The following TRMT1 variants were observed in gnomAD, a reference collection of about 807,000 sequenced individuals.
The protein encoded by TRMT1 is tRNA (guanine(26)-N(2))-dimethyltransferase.
Under a neutral mutation model 75.4 loss-of-function variants are expected in TRMT1, and 63 were observed. The observed-to-expected ratio is 0.84, with a 90% CI of 0.68 to 1.03. The LOEUF (loss-of-function observed/expected upper bound fraction) is 1.03. Among genes scored for constraint, TRMT1 ranks in the 50% least tolerant of loss-of-function variants. The pLI, the probability that TRMT1 is intolerant of heterozygous loss-of-function variation, is 0.00. For synonymous variants in TRMT1, 382 were observed against 358.1 expected (o/e 1.07, Z -0.75); for missense variants, 870 against 905.3 (o/e 0.96, Z 0.50).
chr19:13,110,374 G>A (rs945078398), intron 7 of TRMT1, 68 bp from the exon 8 acceptor site: 14 of 1,483,550 alleles, frequency 9.4e-6, no homozygotes, highest in African/African-American at 1.4e-5. Flanking sequence ...GCCCTATGTG[G>A]TACTCACAAG....
chr19:13,115,761 A>G lies in TRMT1; in HGVS notation c.318T>C (p.Val106=). 1.2e-6 allele frequency: 2 copies of G among 1,613,976 alleles called. No individual in the cohort carries two copies. The highest frequency in any genetic ancestry group is 1.7e-6 in the Non-Finnish European group (2 of 1,180,008). ...QLGAKGIQIK[V]PGEKDTQKVV... is the part of the protein sequence containing the mutation. ...CTTTTTGCGTGTCCTTCTCTCCTGG[A>G]ACCTTGACTGCAGCCACCCAGAGGC... Residue 106 remains valine (V), a synonymous_variant, in exon 4 of 17, where the codon GTT becomes GTC. Transcript: ENST00000357720.
intron 6 of TRMT1, 34 bp downstream of exon 6, chr19:13,112,862 C>A: frequency 6.2e-7 from 1 of 1,613,176 alleles, no homozygotes; most frequent in Non-Finnish European, 8.5e-7. Context: ...ACACCCCAAG[C>A]CCTGCTCCCA....
intron 5 of TRMT1, among the ~76,000 whole-genome samples, chr19:13,114,657 G>A (rs552061001): frequency 9.5e-5 from 14 of 148,132 alleles, no homozygotes; most frequent in Middle Eastern, 6.8e-3. Flanking sequence ...GCGAGACTCC[G>A]TGTCAAAAAA....
At position 13,110,215 on chromosome 19, in the gene TRMT1, T is replaced by C. The variant is rs771685030; in HGVS notation, c.962A>G (p.Tyr321Cys). Residue 321 changes from tyrosine to cysteine, a missense_variant, in exon 8 of 17, where the codon TAC becomes TGC. Tyr to Cys is a radical substitution (Grantham distance 194). Transcript: ENST00000357720. Reference sequence around the variant, plus strand: ...GAAGACACGGACAAAAACACGCACGTAGAAGTCAGCGCTGATGCTGAGCAG... The same window carrying C: ...GAAGACACGGACAAAAACACGCACGCAGAAGTCAGCGCTGATGCTGAGCAG... ...VPLLSISADF[Y>C]VRVFVRVFTG... is the part of the protein sequence containing the mutation. 6.2e-7 allele frequency: 1 copy of C among 1,612,182 alleles called. No homozygotes were observed. The highest frequency in any genetic ancestry group is 8.5e-7 in the Non-Finnish European group (1 of 1,179,792).
chr19:13,107,534 G>A (rs1490079655), intron 14 of TRMT1, 40 bp downstream of exon 14: 3 of 1,567,762 alleles, frequency 1.9e-6, no homozygotes, highest in African/African-American at 1.4e-5. Flanking sequence ...TTCCATGTCT[G>A]TGGGCAGCCC....
At chr19:13,111,382 A>AT (rs201288485) in intron 7 of TRMT1, among the ~76,000 whole-genome samples, 6,058 of 130,444 alleles carry the variant, frequency 0.046, 194 homozygotes, top group Admixed American at 0.087. Flanking sequence ...GGGTCAGACC[A>AT]TTTTTTTTTT....
chr19:13,113,684 A>G (rs1015390699), intron 5 of TRMT1, among the ~76,000 whole-genome samples: 12 of 151,800 alleles, frequency 7.9e-5, no homozygotes. Context: ...TTCTCGGCGC[A>G]CTGCAACTTC....
At chr19:13,105,130 CCT>C (rs760567376) in intron 16 of TRMT1, 49 bp from the exon 17 acceptor site, 6 of 1,550,932 alleles carry the variant, frequency 3.9e-6, no homozygotes, top group African/African-American at 1.4e-5. Flanking sequence ...CTCAGCAGCC[CCT>C]GATGGGATCC....
In TRMT1 at chr19:13,112,781, A is replaced by G. The variant is rs779676694; in HGVS notation, c.794T>C (p.Leu265Ser). 1 of 1,614,006 alleles carries G rather than the reference A, an allele frequency of 6.2e-7. No individual in the cohort carries two copies. The highest frequency in any genetic ancestry group is 8.5e-7 in the Non-Finnish European group (1 of 1,179,986). Residue 265 changes from leucine (L) to serine (S), a missense_variant, in exon 7 of 17, where the codon TTG becomes TCG. By Grantham distance (145) the Leu-to-Ser change is moderately radical. Coordinates refer to ENST00000357720, the MANE Select transcript of TRMT1 (RefSeq NM_001136035.4). ...LCVTCTDMAVLAGNSGETCYS... is the reference protein window; with the variant it reads ...LCVTCTDMAVSAGNSGETCYS... ...GCACGTCTCCCCGCTGTTCCCCGCC[A>G]ACACCGCCATGTCTGTGCAGGTCAC...
intron 14 of TRMT1, 84 bp downstream of exon 14, chr19:13,107,490 G>T: frequency 6.9e-7 from 1 of 1,446,152 alleles, no homozygotes; most frequent in South Asian, 1.2e-5. Context: ...AGTCTGTGTG[G>T]GGCAGCATCT....
chr19:13,113,077 A>G, intron 5 of TRMT1, 66 bp from the exon 6 acceptor site: 1 of 1,263,926 alleles, frequency 7.9e-7, no homozygotes, highest in South Asian at 1.5e-5. Flanking sequence ...CCCTACACAT[A>G]TTAACTCGTA....
intron 12 of TRMT1, 53 bp downstream of exon 12, chr19:13,109,328 C>T: frequency 1.2e-6 from 2 of 1,606,910 alleles, no homozygotes; most frequent in Non-Finnish European, 1.7e-6. Context: ...TGGACTTGCC[C>T]CAGGCCACCC....
intron 8 of TRMT1, 39 bp from the exon 9 acceptor site, chr19:13,110,040 C>T (rs1490389066): frequency 1.2e-6 from 2 of 1,612,270 alleles, no homozygotes; most frequent in Admixed American, 1.7e-5. Context: ...CCCAGCGTGA[C>T]CACGACACCC....
At chr19:13,115,801 A>G (rs778520950) in intron 3 of TRMT1, 33 bp from the exon 4 acceptor site, 6 of 1,613,258 alleles carry the variant, frequency 3.7e-6, no homozygotes, top group Non-Finnish European at 3.4e-6. Context: ...GTCAGAGAAT[A>G]ACAAGGTCCC....
intron 4 of TRMT1, 25 bp downstream of exon 4, chr19:13,115,601 G>A: frequency 6.2e-7 from 1 of 1,612,746 alleles, no homozygotes; most frequent in Non-Finnish European, 8.5e-7. Flanking sequence ...TTCCAGGGCT[G>A]CCAGCTCCTA....
At chr19:13,114,080 T>C (rs769567186) in intron 5 of TRMT1, among the ~76,000 whole-genome samples, 10 of 152,334 alleles carry the variant, frequency 6.6e-5, no homozygotes, top group Middle Eastern at 3.4e-3. Context: ...ATTTGGATTC[T>C]AGTAAGGTCA....
At chr19:13,111,382 A>ATT (rs201288485) in intron 7 of TRMT1, among the ~76,000 whole-genome samples, 23 of 130,444 alleles carry the variant, frequency 1.8e-4, no homozygotes, top group Admixed American at 3.9e-4. Flanking sequence ...GGGTCAGACC[A>ATT]TTTTTTTTTT....
chr19:13,105,952 C>T (rs1232553531), intron 14 of TRMT1, among the ~76,000 whole-genome samples: 2 of 152,080 alleles, frequency 1.3e-5, no homozygotes, highest in East Asian at 3.9e-4. Context: ...ATACCAGCTA[C>T]TCGGGACGCT....
Position 13,110,231 on chromosome 19 carries a change from T to C in TRMT1, c.946A>G (p.Ile316Val), listed in dbSNP as rs370706589. 8.7e-6 allele frequency: 14 copies of C among 1,605,398 alleles called. No individual in the cohort carries two copies. In the African/African-American group the frequency reaches 1.9e-4, roughly 22 times the overall value. The change falls in exon 8 of 17, where the codon ATC becomes GTC. Residue 316 changes from isoleucine to valine, a missense_variant. Ile to Val is a conservative substitution (Grantham distance 29). Coordinates refer to ENST00000357720, the MANE Select transcript of TRMT1 (RefSeq NM_001136035.4). Reference protein sequence around the residue: ...YQRFVVPLLSISADFYVRVFV... With the variant: ...YQRFVVPLLSVSADFYVRVFV... ...ACACGCACGTAGAAGTCAGCGCTGA[T>C]GCTGAGCAGCGGCACCACGAAGCGC...
Sources: allele counts gnomAD v4.1 joint callset (sites outside exome capture counted in the v4.1 genomes callset), GRCh38; gene constraint gnomAD v4.1.1; transcripts MANE v1.5; gene names NCBI Gene and HGNC (gene_info 2026-07-23, HGNC 2026-07-21).